The following ARHGAP8 variants were observed in gnomAD, a reference collection of about 807,000 sequenced individuals.
The protein encoded by ARHGAP8 is Rho GTPase activating protein 8.
In ARHGAP8, 62 loss-of-function variants were observed where a neutral mutation model predicts 46.1. That is an observed-to-expected ratio of 1.34 (90% confidence interval 1.10 to 1.66). ARHGAP8 has a LOEUF of 1.66. ARHGAP8 is among the 40% of genes most tolerant of loss of function. The pLI is 0.00. For synonymous variants in ARHGAP8, 375 were observed against 243.1 expected, an observed-to-expected ratio of 1.54 and a Z score of -5.05; for missense variants, 923 against 568.4, an observed-to-expected ratio of 1.62 and a Z score of -6.34.
At position 44,862,294 on chromosome 22, in the gene ARHGAP8, TCAA is replaced by T. The variant is rs777918763; in HGVS notation, c.1005_1007del (p.Asn335del). ...CTCCAGGTGTCCCGGGAGAGCATCTTCAACAAAATGAACAGCTCTAACCTGGCC... is the reference window on the plus strand; with the variant it reads ...CTCCAGGTGTCCCGGGAGAGCATCTTCAAAATGAACAGCTCTAACCTGGCC... On this transcript the variant is annotated inframe_deletion, in exon 12 of 12. Transcript: ENST00000356099. The T allele has an allele frequency of 6.3e-7, 1 of 1,597,068 alleles. No individual in the cohort carries two copies. Among genetic ancestry groups the T allele is most frequent in the South Asian group, 1.1e-5 (1 of 90,380 alleles).
At chr22:44,793,273 G>T (rs926590155) in intron 2 of ARHGAP8, among the ~76,000 whole-genome samples, 2 of 152,096 alleles carry the variant, frequency 1.3e-5, no homozygotes, top group Non-Finnish European at 2.9e-5. Context: ...AGCAGGGTGG[G>T]GGATGGAAGG....
At chr22:44,857,872 A>G (rs2070277104) in intron 10 of ARHGAP8, among the ~76,000 whole-genome samples, 1 of 152,084 alleles carries the variant, frequency 6.6e-6, no homozygotes, top group South Asian at 2.1e-4. Context: ...GGGAGTGCTC[A>G]GTGACATTGG....
intron 5 of ARHGAP8, among the ~76,000 whole-genome samples, chr22:44,815,367 C>T (rs1929663372): frequency 6.6e-6 from 1 of 151,478 alleles, no homozygotes; most frequent in South Asian, 2.1e-4. Flanking sequence ...CACTCGGTCT[C>T]CAGCCCCTCC....
intron 10 of ARHGAP8, among the ~76,000 whole-genome samples, chr22:44,858,784 A>C (rs921843179): frequency 6.7e-6 from 1 of 149,138 alleles, no homozygotes; most frequent in African/African-American, 2.5e-5. Context: ...GGAGGGTGGG[A>C]CACTGCCTTT....
chr22:44,852,891 C>T (rs578052870), intron 10 of ARHGAP8, among the ~76,000 whole-genome samples: 3 of 152,312 alleles, frequency 2.0e-5, no homozygotes, highest in Admixed American at 6.5e-5. Context: ...CAACCTCCAC[C>T]TCCCAGGTTC....
chr22:44,835,369 C>T (rs1301370658), intron 7 of ARHGAP8, among the ~76,000 whole-genome samples: 4 of 152,080 alleles, frequency 2.6e-5, no homozygotes, highest in African/African-American at 9.7e-5. Context: ...CCTGTAGTCT[C>T]AGCACTTTGG....
At chr22:44,858,909 C>T (rs1184371687) in intron 10 of ARHGAP8, among the ~76,000 whole-genome samples, 12 of 151,592 alleles carry the variant, frequency 7.9e-5, no homozygotes. Flanking sequence ...ATATGTTAGG[C>T]TTTGTGGGCC....
chr22:44,814,860 TC>T, intron 5 of ARHGAP8, 102 bp downstream of exon 5: 1 of 1,382,392 alleles, frequency 7.2e-7, no homozygotes, highest in Non-Finnish European at 1.0e-6. Context: ...AGGGCCCGTC[TC>T]CAGGGTGCCT....
intron 11 of ARHGAP8, among the ~76,000 whole-genome samples, 180 bp downstream of exon 11, chr22:44,860,014 T>A (rs1275811109): frequency 7.2e-5 from 8 of 110,542 alleles, no homozygotes; most frequent in African/African-American, 2.4e-4. Flanking sequence ...CCCATGCTGC[T>A]GCGGACCTCC....
intron 7 of ARHGAP8, among the ~76,000 whole-genome samples, chr22:44,844,752 C>T (rs754066495): frequency 2.1e-4 from 32 of 152,176 alleles, no homozygotes; most frequent in African/African-American, 2.9e-4. Flanking sequence ...TGTGTGCCAC[C>T]GCACCTGGCC....
rs145924864 is a variant in ARHGAP8 at position 44,808,639 on chromosome 22, C to CT, written c.299+201_299+202insT. On this transcript the variant is annotated intron_variant, in intron 4 of 11. Transcript: ENST00000356099. Reference sequence around the variant, plus strand: ...GGAATCCCGGGCAGGGGTTGGCACTCATTTTTTTTTTTCTTTCTTTCTTTT... The same window carrying CT: ...GGAATCCCGGGCAGGGGTTGGCACTCTATTTTTTTTTTTCTTTCTTTCTTTT... 6.3e-6 allele frequency: 6 copies of CT among 949,778 alleles called. No homozygotes were observed. In the Admixed American group the frequency reaches 6.9e-5, roughly 11 times the overall value. 58.8% of individuals were successfully genotyped at this position (949,778 alleles called of 1,614,324 possible).
chr22:44,845,018 C>A (rs2069918499), intron 7 of ARHGAP8, among the ~76,000 whole-genome samples: 1 of 152,120 alleles, frequency 6.6e-6, no homozygotes, highest in South Asian at 2.1e-4. Context: ...CCTGGGGAAG[C>A]CCTCCCCAAA....
chr22:44,770,637 C>T (rs970307684), intron 1 of ARHGAP8, among the ~76,000 whole-genome samples: 2 of 152,096 alleles, frequency 1.3e-5, no homozygotes, highest in African/African-American at 4.8e-5. Flanking sequence ...CACTTCTGAC[C>T]TCAGGTGATC....
At chr22:44,811,327 G>A (rs1929319598) in intron 4 of ARHGAP8, among the ~76,000 whole-genome samples, 1 of 152,246 alleles carries the variant, frequency 6.6e-6, no homozygotes. Context: ...GCCCGGGGAA[G>A]GAGGCCGGCC....
Position 44,848,990 on chromosome 22 carries a change from G to T in ARHGAP8, c.807G>T (p.Lys269Asn), listed in dbSNP as rs1484670691. The change falls in exon 10 of 12, where the codon AAG becomes AAT. Residue 269 changes from lysine to asparagine, a missense_variant. Coordinates refer to ENST00000356099, the MANE Select transcript of ARHGAP8 (RefSeq NM_181335.3). ...TTCACATCCCTGCCGTGATCCTGAA[G>T]ACCTTCCTGCGAGAGCTGCCCCAGC... ...GDIHIPAVIL[K>N]TFLRELPQPL... The T allele has an allele frequency of 6.2e-7, 1 of 1,614,148 alleles. No individual in the cohort carries two copies. Among genetic ancestry groups the T allele is most frequent in the Non-Finnish European group, 8.5e-7 (1 of 1,180,034 alleles).
chr22:44,787,047 A>AAAAAAAAAAAAAAAAAAAAAAAAC, intron 2 of ARHGAP8, among the ~76,000 whole-genome samples: 1 of 145,484 alleles, frequency 6.9e-6, no homozygotes, highest in Non-Finnish European at 1.5e-5. Context: ...CAAAAAAAAA[A>AAAAAAAAAAAAAAAAAAAAAAAAC]AAAAGAAAGA....
In ARHGAP8 at chr22:44,828,425, A is replaced by AT. The variant is rs535537198; in HGVS notation, c.596+2857dup. On this transcript the variant is annotated intron_variant, in intron 7 of 11. Coordinates refer to ENST00000356099, the MANE Select transcript of ARHGAP8 (RefSeq NM_181335.3). Reference sequence around the variant, plus strand: ...GACCAGGCTCAGCCAGCAGACCAGAATTTTTTTTTTTTTTTTTTTTTTTTT... The same window carrying AT: ...GACCAGGCTCAGCCAGCAGACCAGAATTTTTTTTTTTTTTTTTTTTTTTTTT... Among the ~76,000 whole-genome samples, 358 of 118,214 alleles carry AT rather than the reference A, an allele frequency of 3.0e-3. 1 individual carries two copies. The highest frequency in any genetic ancestry group is 0.017 in the East Asian group (66 of 3,838). The allele number at this position is 118,214 out of a possible 152,430, so 77.6% of individuals were successfully genotyped here.
chr22:44,753,880 G>A (rs1048650633), intron 1 of ARHGAP8, among the ~76,000 whole-genome samples: 1 of 152,210 alleles, frequency 6.6e-6, no homozygotes, highest in Non-Finnish European at 1.5e-5. Flanking sequence ...GTCCAGCTGA[G>A]AACTCAATGC....
At chr22:44,859,215 G>A (rs192040170) in intron 10 of ARHGAP8, among the ~76,000 whole-genome samples, 14 of 152,090 alleles carry the variant, frequency 9.2e-5, no homozygotes, top group South Asian at 4.2e-4. Flanking sequence ...TCCCCAGCGC[G>A]TCTCATGTTG....
Sources: gnomAD v4.1 joint callset for allele counts (sites outside exome capture counted in the v4.1 genomes callset) on GRCh38, gnomAD v4.1.1 for gene constraint, MANE v1.5 for transcripts, NCBI Gene and HGNC (gene_info 2026-07-23, HGNC 2026-07-21) for gene names.